DGKB: variants seen among roughly 807,000 people sequenced by gnomAD.
DGKB encodes the protein diacylglycerol kinase beta, also known as 90 kDa diacylglycerol kinase.
Under a neutral mutation model 114.3 loss-of-function variants are expected in DGKB, and 67 were observed. The observed-to-expected ratio is 0.59, with a 90% CI of 0.48 to 0.72. The LOEUF is 0.72. Ranked by LOEUF, DGKB falls within the 30% of genes least tolerant of loss-of-function variation. The probability of loss-of-function intolerance (pLI) is 0.00; values close to 1 mark genes in which losing one functional copy is unlikely to be tolerated. For missense variants in DGKB, 907 were observed against 975.2 expected, an observed-to-expected ratio of 0.93 and a Z score of 0.93; for synonymous variants, 398 against 323.1, an observed-to-expected ratio of 1.23 and a Z score of -2.49.
intron 1 of DGKB, among the ~76,000 whole-genome samples, chr7:14,930,736 T>C (rs1784973329): frequency 6.6e-6 from 1 of 152,184 alleles, no homozygotes; most frequent in Non-Finnish European, 1.5e-5. Flanking sequence ...GGACTTCCAG[T>C]AGTATGTTAA....
chr7:14,556,808 A>T (rs897715472), intron 20 of DGKB, among the ~76,000 whole-genome samples: 1 of 152,192 alleles, frequency 6.6e-6, no homozygotes, highest in Non-Finnish European at 1.5e-5. Context: ...AGCTATGGTT[A>T]TGAGGTATTG....
chr7:14,838,144 T>C (rs1847408243), intron 2 of DGKB, among the ~76,000 whole-genome samples: 1 of 152,162 alleles, frequency 6.6e-6, no homozygotes, highest in East Asian at 1.9e-4. Flanking sequence ...TTTTCACAAA[T>C]TTATTACTGA....
Position 14,580,843 on chromosome 7 carries a change from G to A in DGKB, c.1609+19C>T, listed in dbSNP as rs201849726. ...GGTGTTGTGTACTGTTTCTGCTTTT[G>A]TTGTTGCAGCTGCTTTACCTCCTCC... On this transcript the variant is annotated intron_variant, in intron 19 of 25. Transcript: ENST00000402815. 1 of 1,571,214 alleles carries A rather than the reference G, an allele frequency of 6.4e-7. No homozygotes were observed. The highest frequency in any genetic ancestry group is 2.3e-5 in the East Asian group (1 of 44,414).
intron 20 of DGKB, among the ~76,000 whole-genome samples, chr7:14,482,997 T>C (rs758315188): frequency 4.6e-5 from 7 of 151,996 alleles, no homozygotes; most frequent in Non-Finnish European, 8.8e-5. Flanking sequence ...ATCTGTGAAA[T>C]GTTGGCCTGG....
At chr7:14,553,119 A>G (rs1795348408) in intron 20 of DGKB, among the ~76,000 whole-genome samples, 1 of 152,262 alleles carries the variant, frequency 6.6e-6, no homozygotes, top group African/African-American at 2.4e-5. Flanking sequence ...GCAGCTCAGC[A>G]CAGATGAATT....
Position 14,338,559 on chromosome 7 carries a change from C to A in DGKB, c.2078G>T (p.Arg693Met). The part of the protein sequence containing the change: ...RRIEKKGSDK[R>M]TTVTDAKELK... The stretch of plus-strand genomic sequence containing the variant: ...CTCTTTGGCATCTGTGACGGTGGTC[C>A]TTTTGTCAGACCCTTTTTTCTCTAT... Residue 693 changes from arginine (R) to methionine (M), a missense_variant, in exon 23 of 26, where the codon AGG (arginine) becomes ATG (methionine). Around this residue, in one of 3 missense-constraint regions of DGKB, gnomAD observed 814 missense variants for 856.6 expected, o/e 0.95. Coordinates refer to ENST00000402815, the MANE Select transcript of DGKB (RefSeq NM_001350709.2). 1 of 1,600,372 alleles carries A rather than the reference C, an allele frequency of 6.2e-7. No individual in the cohort carries two copies. The highest frequency in any genetic ancestry group is 8.5e-7 in the Non-Finnish European group (1 of 1,173,874).
chr7:14,619,245 C>T (rs1370007164), intron 15 of DGKB, among the ~76,000 whole-genome samples: 1 of 151,244 alleles, frequency 6.6e-6, no homozygotes, highest in Non-Finnish European at 1.5e-5. Context: ...TTTTAGCTGA[C>T]ACTTTTATAT....
At chr7:14,228,313 G>C (rs1791150805) in intron 23 of DGKB, among the ~76,000 whole-genome samples, 1 of 151,948 alleles carries the variant, frequency 6.6e-6, no homozygotes, top group Non-Finnish European at 1.5e-5. Context: ...GTTGTTGCTG[G>C]ACATGCTCTG....
At chr7:14,698,604 T>C (rs1215679351) in intron 7 of DGKB, among the ~76,000 whole-genome samples, 3 of 152,234 alleles carry the variant, frequency 2.0e-5, no homozygotes, top group East Asian at 1.9e-4. Context: ...AGAATATACA[T>C]TGACTGTTTT....
At chr7:14,261,543 AT>A (rs1796779874) in intron 23 of DGKB, among the ~76,000 whole-genome samples, 1 of 152,158 alleles carries the variant, frequency 6.6e-6, no homozygotes, top group African/African-American at 2.4e-5. Flanking sequence ...CTTTCCAGTG[AT>A]TGACTTGATA....
At chr7:14,465,779 A>G (rs1780372556) in intron 21 of DGKB, among the ~76,000 whole-genome samples, 1 of 152,020 alleles carries the variant, frequency 6.6e-6, no homozygotes, top group Admixed American at 6.6e-5. Flanking sequence ...AATTGAGGAG[A>G]CCCAAGCATG....
At chr7:14,287,955 G>A (rs760427323) in intron 23 of DGKB, among the ~76,000 whole-genome samples, 5 of 152,046 alleles carry the variant, frequency 3.3e-5, no homozygotes, top group Non-Finnish European at 5.9e-5. Context: ...TAGTCCTGTT[G>A]GAATACACTG....
chr7:14,810,600 C>CT (rs200533351), intron 2 of DGKB, among the ~76,000 whole-genome samples: 24 of 151,678 alleles, frequency 1.6e-4, no homozygotes, highest in African/African-American at 5.3e-4. Context: ...CTAAGCCTTT[C>CT]TTTTTTTTTC....
chr7:14,293,517 C>A (rs1416999446), intron 23 of DGKB, among the ~76,000 whole-genome samples: 3 of 152,032 alleles, frequency 2.0e-5, no homozygotes. Context: ...GTAAAATGTA[C>A]TCAATAAAGA....
At chr7:14,261,828 A>G (rs1306037944) in intron 23 of DGKB, among the ~76,000 whole-genome samples, 1 of 152,218 alleles carries the variant, frequency 6.6e-6, no homozygotes, top group Non-Finnish European at 1.5e-5. Flanking sequence ...ACTAGACACA[A>G]TATTCCAAAA....
At chr7:14,402,040 A>G (rs1271910451) in intron 21 of DGKB, among the ~76,000 whole-genome samples, 2 of 151,594 alleles carry the variant, frequency 1.3e-5, no homozygotes, top group Admixed American at 6.6e-5. Context: ...ATCTTGCTCA[A>G]TGAGAGGGCT....
intron 22 of DGKB, among the ~76,000 whole-genome samples, chr7:14,340,340 G>T (rs1195185816): frequency 6.6e-6 from 1 of 151,278 alleles, no homozygotes; most frequent in Non-Finnish European, 1.5e-5. Flanking sequence ...TAAATACCCT[G>T]CAGGCCTCAA....
chr7:14,727,082 A>T (rs1830137661), intron 5 of DGKB, among the ~76,000 whole-genome samples: 1 of 152,236 alleles, frequency 6.6e-6, no homozygotes, highest in South Asian at 2.1e-4. Context: ...AACTGTAAAT[A>T]AATATTTTTG....
intron 7 of DGKB, among the ~76,000 whole-genome samples, chr7:14,698,613 T>G (rs981401570): frequency 6.6e-6 from 1 of 152,148 alleles, no homozygotes; most frequent in Non-Finnish European, 1.5e-5. Flanking sequence ...ATTGACTGTT[T>G]TAGTCATGTA....
Sources: gnomAD v4.1 joint callset for allele counts (sites outside exome capture counted in the v4.1 genomes callset) on GRCh38, gnomAD v4.1.1 for gene constraint, gnomAD v4.1.1 regional missense constraint, MANE v1.5 for transcripts, NCBI Gene and HGNC (gene_info 2026-07-23, HGNC 2026-07-21) for gene names.